SDK1: variants seen among roughly 807,000 people sequenced by gnomAD.
SDK1 encodes protein sidekick-1.
SDK1 carries 157 observed loss-of-function variants against 245.5 expected under a neutral mutation model. The ratio of observed to expected loss-of-function variants is 0.64; its 90% confidence interval spans 0.56 to 0.73. The LOEUF (loss-of-function observed/expected upper bound fraction) is 0.73, where lower values mean the gene tolerates loss of function less well. Ranked by LOEUF, SDK1 falls within the 30% of genes least tolerant of loss-of-function variation. SDK1 has a pLI of 0.00. For missense variants in SDK1, 3,583 were observed against 3,002.3 expected (o/e 1.19, Z -4.52); for synonymous variants, 1,647 against 1,278.5 (o/e 1.29, Z -6.15).
chr7:3,602,484 G>T (rs945964453), intron 1 of SDK1, among the ~76,000 whole-genome samples: 1 of 152,172 alleles, frequency 6.6e-6, no homozygotes, highest in Non-Finnish European at 1.5e-5. Context: ...CTTTTGAGAC[G>T]TGTCTGTTCA....
At chr7:4,226,479 C>G (rs992785095) in intron 40 of SDK1, among the ~76,000 whole-genome samples, 1 of 152,336 alleles carries the variant, frequency 6.6e-6, no homozygotes, top group Non-Finnish European at 1.5e-5. Context: ...TTCCTTACAC[C>G]CCCCGCACAT....
intron 1 of SDK1, among the ~76,000 whole-genome samples, chr7:3,501,511 A>G (rs1245188314): frequency 1.3e-5 from 2 of 152,180 alleles, no homozygotes; most frequent in Non-Finnish European, 2.9e-5. Context: ...ACCCAGGAGC[A>G]TGTTTTTATT....
chr7:3,870,472 C>G (rs1316374217), intron 5 of SDK1, among the ~76,000 whole-genome samples: 1 of 152,114 alleles, frequency 6.6e-6, no homozygotes, highest in Admixed American at 6.6e-5. Context: ...TTATTCCTGT[C>G]TCCCACTGCT....
At chr7:3,419,600 T>A (rs941784300) in intron 1 of SDK1, among the ~76,000 whole-genome samples, 1 of 152,228 alleles carries the variant, frequency 6.6e-6, no homozygotes, top group Non-Finnish European at 1.5e-5. Flanking sequence ...TGGACTCAGT[T>A]GCCTTTTGAA....
intron 5 of SDK1, among the ~76,000 whole-genome samples, chr7:3,851,439 A>T (rs1391354552): frequency 5.9e-5 from 9 of 152,222 alleles, no homozygotes; most frequent in African/African-American, 2.2e-4. Flanking sequence ...TTTCATAAAG[A>T]TAGAAGCGTA....
chr7:4,144,189 C>A (rs1378338520), intron 28 of SDK1, among the ~76,000 whole-genome samples: 1 of 152,118 alleles, frequency 6.6e-6, no homozygotes, highest in Non-Finnish European at 1.5e-5. Flanking sequence ...TCTAGGCTGC[C>A]CTCGGTCAGT....
intron 1 of SDK1, among the ~76,000 whole-genome samples, chr7:3,496,519 A>T (rs987133786): frequency 6.6e-6 from 1 of 151,664 alleles, no homozygotes; most frequent in Non-Finnish European, 1.5e-5. Flanking sequence ...TTTGCTCCCT[A>T]ATTATAAAAT....
intron 1 of SDK1, among the ~76,000 whole-genome samples, chr7:3,499,573 T>G (rs1051326948): frequency 1.3e-4 from 20 of 152,238 alleles, no homozygotes; most frequent in Non-Finnish European, 1.9e-4. Context: ...AGCTCTTCTT[T>G]ATGGACTAAC....
At chr7:3,821,300 T>A in intron 4 of SDK1, 150 bp from the exon 5 acceptor site, 2 of 828,752 alleles carry the variant, frequency 2.4e-6, no homozygotes, top group Non-Finnish European at 3.6e-6. Flanking sequence ...GTTGTCGTAT[T>A]CTTAAAGTCG....
intron 1 of SDK1, among the ~76,000 whole-genome samples, chr7:3,386,899 C>G (rs553803308): frequency 1.3e-5 from 2 of 152,292 alleles, no homozygotes; most frequent in East Asian, 1.9e-4. Flanking sequence ...TTAAAGACAT[C>G]TTTACTGAAT....
At chr7:3,812,009 T>G (rs1401879545) in intron 4 of SDK1, among the ~76,000 whole-genome samples, 3 of 152,240 alleles carry the variant, frequency 2.0e-5, no homozygotes, top group Admixed American at 6.5e-5. Context: ...ACAGACTGGC[T>G]TCACACACTT....
intron 20 of SDK1, among the ~76,000 whole-genome samples, chr7:4,069,528 G>A (rs1483271063): frequency 1.3e-5 from 2 of 152,212 alleles, no homozygotes; most frequent in Non-Finnish European, 2.9e-5. Context: ...CTGCGTCTCC[G>A]CTCCGTGGTG....
intron 1 of SDK1, among the ~76,000 whole-genome samples, chr7:3,549,893 G>T (rs1308091742): frequency 6.6e-6 from 1 of 150,958 alleles, no homozygotes; most frequent in African/African-American, 2.4e-5. Flanking sequence ...AATTTAGCCA[G>T]AAAGGAAAAA....
chr7:3,315,258 G>A (rs1412355791), intron 1 of SDK1, among the ~76,000 whole-genome samples: 3 of 152,156 alleles, frequency 2.0e-5, no homozygotes, highest in African/African-American at 7.2e-5. Flanking sequence ...TTGTTTTTAC[G>A]GAGTGCTTTT....
intron 4 of SDK1, among the ~76,000 whole-genome samples, chr7:3,767,331 G>T (rs568133068): frequency 6.6e-6 from 1 of 152,086 alleles, no homozygotes; most frequent in African/African-American, 2.4e-5. Context: ...TGTCTAAGGG[G>T]ATTGAGCAAA....
At position 3,699,832 on chromosome 7, in the gene SDK1, T is replaced by C. The variant is rs62437931; in HGVS notation, c.713+57727T>C. Among the ~76,000 whole-genome samples the C allele has an allele frequency of 3.4e-3, 520 of 152,304 alleles. 5 individuals are homozygous for C. The highest frequency in any genetic ancestry group is 0.024 in the Middle Eastern group (7 of 294). On this transcript the variant is annotated intron_variant, in intron 4 of 44. Transcript: ENST00000404826. ...TAAAGATTTCCTGAATATGGCATTT[T>C]AAAACACATAACCTTTCAAGAAGCC...
intron 28 of SDK1, among the ~76,000 whole-genome samples, chr7:4,141,908 C>A (rs976623334): frequency 6.6e-6 from 1 of 152,162 alleles, no homozygotes. Context: ...AGGCACCTGC[C>A]ACCATGCCTG....
chr7:3,665,538 T>G (rs1253670002), intron 4 of SDK1, among the ~76,000 whole-genome samples: 2 of 152,172 alleles, frequency 1.3e-5, no homozygotes, highest in Non-Finnish European at 2.9e-5. Context: ...AAGTATTTGT[T>G]TGGTTGAATG....
intron 4 of SDK1, among the ~76,000 whole-genome samples, chr7:3,662,851 G>T (rs1018597939): frequency 6.6e-6 from 1 of 152,174 alleles, no homozygotes; most frequent in Non-Finnish European, 1.5e-5. Context: ...TCGGATTTCA[G>T]ACTTTGGGAT....
Sources: allele counts gnomAD v4.1 joint callset (sites outside exome capture counted in the v4.1 genomes callset), GRCh38; gene constraint gnomAD v4.1.1; transcripts MANE v1.5; gene names NCBI Gene and HGNC (gene_info 2026-07-23, HGNC 2026-07-21).